The following UGT1A10 variants were observed in gnomAD, a reference collection of about 807,000 sequenced individuals.
UGT1A10 encodes the protein UDP glucuronosyltransferase family 1 member A10.
In UGT1A10, 49 loss-of-function variants were observed where a neutral mutation model predicts 45.8. That is an observed-to-expected ratio of 1.07 (90% CI 0.85 to 1.36). UGT1A10 has a LOEUF of 1.36. Ranked by LOEUF, UGT1A10 falls within the 40% of genes most tolerant of loss-of-function variation. The pLI, the probability that UGT1A10 is intolerant of heterozygous loss-of-function variation, is 0.00. For synonymous variants in UGT1A10, 284 were observed against 249.7 expected (o/e 1.14, Z -1.29); for missense variants, 745 against 668.6 (o/e 1.11, Z -1.26).
chr2:233,769,841 G>A lies in UGT1A10; in HGVS notation c.1295+1402G>A. On this transcript the variant is annotated intron_variant, in intron 4 of 4. Transcript: ENST00000344644. The surrounding 1 kb of genome is among the most constrained non-coding windows in gnomAD (Gnocchi z 4.4). ...CTGCACTCCAGCAACCTGGGCAACAGAGTGAGACCCTGTCTCAAAAAAAAA... is the reference window on the plus strand; with the variant it reads ...CTGCACTCCAGCAACCTGGGCAACAAAGTGAGACCCTGTCTCAAAAAAAAA... 1.8e-6 allele frequency: 1 copy of A among 550,094 alleles called. No individual in the cohort carries two copies. Among genetic ancestry groups the A allele is most frequent in the Non-Finnish European group, 2.8e-6 (1 of 353,910 alleles). The allele number at this position is 550,094 out of a possible 1,614,324, so 34.1% of individuals were successfully genotyped here.
chr2:233,687,875 T>C (rs903135519), intron 1 of UGT1A10, among the ~76,000 whole-genome samples: 2 of 152,110 alleles, frequency 1.3e-5, no homozygotes, highest in African/African-American at 4.8e-5. Context: ...TCCACTCCAC[T>C]CCAGCCTGGG....
chr2:233,674,673 G>A (rs1167062952), intron 1 of UGT1A10, among the ~76,000 whole-genome samples: 1 of 152,122 alleles, frequency 6.6e-6, no homozygotes, highest in African/African-American at 2.4e-5. Flanking sequence ...AAATAAATGT[G>A]TTTATGTGTC....
intron 1 of UGT1A10, among the ~76,000 whole-genome samples, chr2:233,675,547 GGC>G (rs2074327303): frequency 1.3e-5 from 2 of 152,226 alleles, no homozygotes; most frequent in South Asian, 4.1e-4. Flanking sequence ...GTAAGATTCT[GGC>G]TATAGTCCAA....
At chr2:233,763,879 G>A (rs983056292) in intron 1 of UGT1A10, among the ~76,000 whole-genome samples, 2 of 152,162 alleles carry the variant, frequency 1.3e-5, no homozygotes, top group South Asian at 2.1e-4. Flanking sequence ...CTGGGTCTGA[G>A]AAAAATAACT....
At chr2:233,696,010 C>A (rs1247688377) in intron 1 of UGT1A10, among the ~76,000 whole-genome samples, 1 of 152,132 alleles carries the variant, frequency 6.6e-6, no homozygotes, top group Non-Finnish European at 1.5e-5. Context: ...TCAGGTCCCA[C>A]AGACATGGGG....
At chr2:233,768,722 A>G (rs1461787067) in intron 4 of UGT1A10, among the ~76,000 whole-genome samples, 1 of 150,864 alleles carries the variant, frequency 6.6e-6, no homozygotes, top group Non-Finnish European at 1.5e-5. Flanking sequence ...AGCTGGGATT[A>G]CAGGTGTCCA....
At chr2:233,737,360 A>G (rs540165116) in intron 1 of UGT1A10, among the ~76,000 whole-genome samples, 5 of 152,246 alleles carry the variant, frequency 3.3e-5, no homozygotes, top group Admixed American at 6.5e-5. Flanking sequence ...GGAGCTGCTA[A>G]GCCAGGCAGG....
At chr2:233,754,114 G>C (rs1442882252) in intron 1 of UGT1A10, among the ~76,000 whole-genome samples, 2 of 152,128 alleles carry the variant, frequency 1.3e-5, no homozygotes, top group Non-Finnish European at 2.9e-5. Flanking sequence ...CCTACATCAC[G>C]AGCATTTATG....
chr2:233,761,079 C>T, intron 1 of UGT1A10: 1 of 1,614,120 alleles, frequency 6.2e-7, no homozygotes, highest in Non-Finnish European at 8.5e-7. Flanking sequence ...TGAAGGATTA[C>T]CCTAGGCCCA....
chr2:233,720,798 C>T (rs948904174), intron 1 of UGT1A10, among the ~76,000 whole-genome samples: 26 of 151,502 alleles, frequency 1.7e-4, no homozygotes, highest in African/African-American at 4.1e-4. Flanking sequence ...CTTCACCTCC[C>T]GGGTTTAAGA....
intron 1 of UGT1A10, among the ~76,000 whole-genome samples, chr2:233,675,142 AG>A (rs11330313): frequency 0.19 from 28,379 of 152,052 alleles, 2,846 homozygotes; most frequent in Non-Finnish European, 0.23. Flanking sequence ...GAGGCTATCC[AG>A]GGGAATTACA....
chr2:233,689,816 C>G (rs1484884597), intron 1 of UGT1A10: 2 of 441,390 alleles, frequency 4.5e-6, no homozygotes, highest in Non-Finnish European at 9.0e-6. Flanking sequence ...GGAAACCAAA[C>G]ATCTCTGGAC....
At chr2:233,724,244 G>A (rs2077194489) in intron 1 of UGT1A10, among the ~76,000 whole-genome samples, 1 of 128,296 alleles carries the variant, frequency 7.8e-6, no homozygotes, top group Non-Finnish European at 1.7e-5. Flanking sequence ...GCCGGGCAGA[G>A]GCGCCCCTCA....
chr2:233,659,295 C>T (rs2073918651), intron 1 of UGT1A10, among the ~76,000 whole-genome samples: 1 of 152,106 alleles, frequency 6.6e-6, no homozygotes, highest in African/African-American at 2.4e-5. Flanking sequence ...ATCATTTTGA[C>T]CCCCATAACT....
intron 1 of UGT1A10, among the ~76,000 whole-genome samples, chr2:233,661,701 CTGG>C (rs1327523782): frequency 3.5e-5 from 3 of 86,734 alleles, no homozygotes; most frequent in Non-Finnish European, 7.2e-5. Flanking sequence ...AGGTCCTTAT[CTGG>C]ATTCTTTTTT....
rs541555722 is a variant in UGT1A10 at position 233,725,921 on chromosome 2, T to C, written c.856-41113T>C. On this transcript the variant is annotated intron_variant, in intron 1 of 4. Coordinates refer to ENST00000344644, the MANE Select transcript of UGT1A10 (RefSeq NM_019075.4). ...TGGCTCACACCTGCAATTTCAGCCC[T>C]TTGGGAGACTGATGCAGGAGGATTG... Among the ~76,000 whole-genome samples the C allele has an allele frequency of 3.0e-4, 46 of 152,308 alleles. No individual in the cohort carries two copies. The South Asian group carries it at 8.7e-3, about 29-fold the overall frequency.
chr2:233,683,323 T>A (rs2074628267), intron 1 of UGT1A10, among the ~76,000 whole-genome samples: 1 of 152,166 alleles, frequency 6.6e-6, no homozygotes, highest in Non-Finnish European at 1.5e-5. Flanking sequence ...TTTGACATGT[T>A]CTTTTAATAA....
Position 233,772,755 on chromosome 2 carries a change from G to A in UGT1A10, c.*196G>A, listed in dbSNP as rs997044425. On this transcript the variant is annotated 3_prime_UTR_variant, in exon 5 of 5. Transcript: ENST00000344644. Reference sequence around the variant, plus strand: ...CTAGTCAGTAAAGATATTTGAATATGTATCGTGCCCCCTCTGGTGTCTTTG... The same window carrying A: ...CTAGTCAGTAAAGATATTTGAATATATATCGTGCCCCCTCTGGTGTCTTTG... 9 of 1,407,806 alleles carry A rather than the reference G, an allele frequency of 6.4e-6. No homozygotes were observed. The African/African-American group carries it at 1.3e-4, about 20-fold the overall frequency. The allele number at this position is 1,407,806 out of a possible 1,614,324, so 87.2% of individuals were successfully genotyped here.
At chr2:233,729,306 C>T (rs146717613) in intron 1 of UGT1A10, 13 of 1,614,122 alleles carry the variant, frequency 8.1e-6, no homozygotes, top group Non-Finnish European at 1.1e-5. Flanking sequence ...AGGCAGTGGT[C>T]CTCACCCCAG....
Sources: gnomAD v4.1 joint callset for allele counts (sites outside exome capture counted in the v4.1 genomes callset) on GRCh38, gnomAD v4.1.1 for gene constraint, Gnocchi (gnomAD v3.1) non-coding constraint, MANE v1.5 for transcripts, NCBI Gene and HGNC (gene_info 2026-07-23, HGNC 2026-07-21) for gene names.